The following SMOC2 variants were observed in gnomAD, a reference collection of about 807,000 sequenced individuals.
The protein encoded by SMOC2 is SPARC-related modular calcium-binding protein 2.
A neutral mutation model predicts 61.4 loss-of-function variants in SMOC2; 39 were observed. That is an observed-to-expected ratio of 0.64 (90% confidence interval 0.49 to 0.83). The LOEUF (loss-of-function observed/expected upper bound fraction) is 0.83, where lower values mean the gene tolerates loss of function less well. Ranked by LOEUF, SMOC2 falls within the 40% of genes least tolerant of loss-of-function variation. The probability of loss-of-function intolerance (pLI) is 0.00; values close to 1 mark genes in which losing one functional copy is unlikely to be tolerated. For synonymous variants in SMOC2, 247 were observed against 239.9 expected (o/e 1.03, Z -0.27); for missense variants, 556 against 592.9 (o/e 0.94, Z 0.65).
rs367913046 is a variant in SMOC2 at position 168,545,065 on chromosome 6, A to G, written c.511+1393A>G. ...GGAAGGGGTAAAGTTGCATAGAGCAATAGTGTGAGCTGCGTGAACTGAGTC... is the reference window on the plus strand; with the variant it reads ...GGAAGGGGTAAAGTTGCATAGAGCAGTAGTGTGAGCTGCGTGAACTGAGTC... On this transcript the variant is annotated intron_variant, in intron 5 of 12. Transcript: ENST00000356284. 1.6e-4 allele frequency among the ~76,000 whole-genome samples: 25 copies of G among 152,310 alleles called. No homozygotes were observed. The East Asian group carries it at 4.4e-3, about 27-fold the overall frequency.
chr6:168,666,575 C>A lies in SMOC2; in HGVS notation c.*137C>A. 2.1e-6 allele frequency: 2 copies of A among 952,404 alleles called. No individual in the cohort carries two copies. The highest frequency in any genetic ancestry group is 3.3e-6 in the Non-Finnish European group (2 of 611,086). 59.0% of individuals were successfully genotyped at this position (952,404 alleles called of 1,614,324 possible). A position where few individuals can be genotyped will look rare whatever the true frequency, so the allele number is the denominator to read the frequency against. The stretch of plus-strand genomic sequence containing the variant: ...TGTAAATTCACTTTGTAGAAATGAG[C>A]TATTTAAACAGACTGTTTTAATCTG... On this transcript the variant is annotated 3_prime_UTR_variant, in exon 13 of 13. Coordinates refer to ENST00000356284, the MANE Select transcript of SMOC2 (RefSeq NM_001166412.2).
intron 1 of SMOC2, among the ~76,000 whole-genome samples, chr6:168,444,746 A>G (rs542930492): frequency 4.5e-4 from 69 of 152,344 alleles, no homozygotes; most frequent in South Asian, 3.9e-3. Context: ...TTTATTACAC[A>G]TAATTCTGTT....
chr6:168,626,341 T>C (rs1352470900), intron 9 of SMOC2, among the ~76,000 whole-genome samples: 1 of 152,160 alleles, frequency 6.6e-6, no homozygotes, highest in African/African-American at 2.4e-5. Flanking sequence ...GTTGCCAGCG[T>C]CTGTTTTTCC....
At chr6:168,560,564 C>T (rs375359006) in intron 7 of SMOC2, among the ~76,000 whole-genome samples, 1,743 of 128,650 alleles carry the variant, frequency 0.014, 67 homozygotes, top group African/African-American at 0.036. Context: ...ACACGAGGCT[C>T]TCACTGCATT....
At chr6:168,625,893 C>T (rs975348109) in intron 9 of SMOC2, among the ~76,000 whole-genome samples, 5 of 152,220 alleles carry the variant, frequency 3.3e-5, no homozygotes, top group African/African-American at 9.6e-5. Flanking sequence ...CGAGGGGCCT[C>T]GGAGGAGGAA....
chr6:168,615,555 T>TCA (rs1562384403), intron 9 of SMOC2, among the ~76,000 whole-genome samples: 12 of 110,662 alleles, frequency 1.1e-4, no homozygotes, highest in South Asian at 3.3e-4. Context: ...CAGGGCCTCT[T>TCA]TACATCTACA....
chr6:168,476,484 G>GTGTGTGTGTA (rs1782089787), intron 1 of SMOC2, among the ~76,000 whole-genome samples: 2 of 91,072 alleles, frequency 2.2e-5, no homozygotes, highest in East Asian at 1.2e-3. Flanking sequence ...GTGTGTGTAT[G>GTGTGTGTGTA]TGTGTGTGTG....
At chr6:168,617,785 C>A (rs1027619086) in intron 9 of SMOC2, among the ~76,000 whole-genome samples, 1 of 152,210 alleles carries the variant, frequency 6.6e-6, no homozygotes, top group Non-Finnish European at 1.5e-5. Flanking sequence ...TTGTTGTGAC[C>A]GATGGGGCCC....
rs114188329 is a variant in SMOC2 at position 168,623,321 on chromosome 6, G to T, written c.907+15082G>T. Among the ~76,000 whole-genome samples, 5 of 125,724 alleles carry T rather than the reference G, an allele frequency of 4.0e-5. No homozygotes were observed. The South Asian group carries it at 1.0e-3, about 26-fold the overall frequency. 82.5% of individuals were successfully genotyped at this position (125,724 alleles called of 152,430 possible). On this transcript the variant is annotated intron_variant, in intron 9 of 12. Coordinates refer to ENST00000356284, the MANE Select transcript of SMOC2 (RefSeq NM_001166412.2). ...CTGCAAGGGTTTTGGCTGAGACATGGATAATTAATTTTTTTTTTTTTTTTT... is the reference window on the plus strand; with the variant it reads ...CTGCAAGGGTTTTGGCTGAGACATGTATAATTAATTTTTTTTTTTTTTTTT...
intron 11 of SMOC2, among the ~76,000 whole-genome samples, chr6:168,659,598 G>GTGAGGGTGGAGGTTTGGTGAT (rs1787431818): frequency 7.2e-6 from 1 of 139,374 alleles, no homozygotes; most frequent in Non-Finnish European, 1.6e-5. Context: ...TGTAGGTTGG[G>GTGAGGGTGGAGGTTTGGTGAT]TGAGGGTGGA....
intron 1 of SMOC2, among the ~76,000 whole-genome samples, chr6:168,448,324 G>A (rs1398482728): frequency 6.6e-6 from 1 of 152,156 alleles, no homozygotes; most frequent in Admixed American, 6.5e-5. Context: ...GGAGGAGGAT[G>A]GCACTGGGGA....
intron 2 of SMOC2, among the ~76,000 whole-genome samples, chr6:168,525,605 G>A (rs1374873280): frequency 6.6e-6 from 1 of 152,162 alleles, no homozygotes; most frequent in African/African-American, 2.4e-5. Flanking sequence ...TAGCAGTGAC[G>A]TTGCGCCTTC....
intron 1 of SMOC2, among the ~76,000 whole-genome samples, chr6:168,492,059 A>C (rs1279643897): frequency 6.6e-6 from 1 of 152,354 alleles, no homozygotes; most frequent in East Asian, 1.9e-4. Flanking sequence ...TGCATCTGGC[A>C]TTACTAATGC....
chr6:168,585,324 C>A (rs1785023461), intron 7 of SMOC2, among the ~76,000 whole-genome samples: 1 of 152,134 alleles, frequency 6.6e-6, no homozygotes, highest in African/African-American at 2.4e-5. Flanking sequence ...CCCTTTGTTC[C>A]TGTCTTTTTT....
In SMOC2 at chr6:168,554,060, T is replaced by C. The variant is rs557420239; in HGVS notation, c.637+4857T>C. On this transcript the variant is annotated intron_variant, in intron 7 of 12. Transcript: ENST00000356284. ...CACGGTGCCCCTTCCCCACCAGGTA[T>C]CAGCTTTTTTCACATTTTGGTAGGA... 2.1e-5 allele frequency among the ~76,000 whole-genome samples: 3 copies of C among 141,150 alleles called. No individual in the cohort carries two copies. The South Asian group carries it at 6.6e-4, about 31-fold the overall frequency. 92.6% of individuals were successfully genotyped at this position (141,150 alleles called of 152,430 possible).
chr6:168,603,524 A>G (rs1308266360), intron 8 of SMOC2, among the ~76,000 whole-genome samples: 1 of 152,076 alleles, frequency 6.6e-6, no homozygotes, highest in Non-Finnish European at 1.5e-5. Flanking sequence ...TTTATTCAGT[A>G]AACATGTGAA....
intron 1 of SMOC2, among the ~76,000 whole-genome samples, chr6:168,504,110 C>T (rs78743362): frequency 0.048 from 7,276 of 152,084 alleles, 569 homozygotes; most frequent in African/African-American, 0.16. Flanking sequence ...GACACATCCA[C>T]GTCTGTGGAT....
rs746280404 is a variant in SMOC2, at chr6:168,599,036, C to T, written c.824+32C>T. ...AGGGTGCACCCACCCCCCCCGGGAC[C>T]ATGGGAGGCTTTGGGGTGTGGAAGC... On this transcript the variant is annotated intron_variant, in intron 8 of 12. Transcript: ENST00000356284. 7 of 1,539,900 alleles carry T rather than the reference C, an allele frequency of 4.5e-6. No homozygotes were observed. The South Asian group carries it at 7.2e-5, about 16-fold the overall frequency.
Position 168,505,053 on chromosome 6 carries a change from C to A in SMOC2, c.85-4862C>A, listed in dbSNP as rs1024455213. Among the ~76,000 whole-genome samples, 11 of 151,668 alleles carry A rather than the reference C, an allele frequency of 7.3e-5. No individual in the cohort carries two copies. In the South Asian group the frequency reaches 1.5e-3, roughly 20 times the overall value. On this transcript the variant is annotated intron_variant, in intron 1 of 12. Coordinates refer to ENST00000356284, the MANE Select transcript of SMOC2 (RefSeq NM_001166412.2). ...CGTCTCTCAGATACCGGATGAATGA[C>A]TGAATGAAATGTCCATCTCTCAGAT...
Sources: allele counts gnomAD v4.1 joint callset (sites outside exome capture counted in the v4.1 genomes callset), GRCh38; gene constraint gnomAD v4.1.1; transcripts MANE v1.5; gene names NCBI Gene and HGNC (gene_info 2026-07-23, HGNC 2026-07-21).